Variants in RSPH14 observed in about 807,000 individuals in gnomAD.
RSPH14 encodes the protein rhabdoid tumor deletion region gene 1.
Under a neutral mutation model 26.7 loss-of-function variants are expected in RSPH14, and 20 were observed. The observed-to-expected ratio is 0.75, with a 90% CI of 0.53 to 1.09. The LOEUF is 1.09. RSPH14 is among the 50% of genes least tolerant of loss of function. The pLI, the probability that RSPH14 is intolerant of heterozygous loss-of-function variation, is 0.00. For synonymous variants in RSPH14, 177 were observed against 189.3 expected (o/e 0.93, Z 0.53); for missense variants, 449 against 457.2 (o/e 0.98, Z 0.16).
intron 4 of RSPH14, among the ~76,000 whole-genome samples, chr22:23,107,816 G>A (rs2069527773): frequency 6.6e-6 from 1 of 152,194 alleles, no homozygotes. Context: ...AGCCGGAAGA[G>A]CACCTGCTTA....
At chr22:23,150,992 G>A in the RSPH14 span, among the ~76,000 whole-genome samples, 1 of 152,254 alleles carries the variant, frequency 6.6e-6, no homozygotes, top group Admixed American at 6.5e-5. Context: ...CAGAGGGATT[G>A]TGAAATAGTC....
intron 4 of RSPH14, 47 bp downstream of exon 4, chr22:23,133,979 G>T: frequency 7.1e-7 from 1 of 1,406,704 alleles, no homozygotes; most frequent in Non-Finnish European, 1.0e-6. Context: ...GGAGACCGAC[G>T]GACAACTTGA....
chr22:23,091,683 T>G (rs1241373819), intron 4 of RSPH14, among the ~76,000 whole-genome samples: 3 of 152,200 alleles, frequency 2.0e-5, no homozygotes, highest in Admixed American at 6.5e-5. Flanking sequence ...ACAGTGGACC[T>G]GCATACACAC....
At chr22:23,094,046 G>A (rs1003243173) in intron 4 of RSPH14, among the ~76,000 whole-genome samples, 1 of 152,210 alleles carries the variant, frequency 6.6e-6, no homozygotes, top group African/African-American at 2.4e-5. Context: ...TCAGATGCTG[G>A]TCACACCCAG....
chr22:23,138,885 T>C lies in RSPH14; in HGVS notation c.257A>G (p.Lys86Arg). Residue 86 changes from lysine (K) to arginine (R), a missense_variant, in exon 3 of 7, where the codon AAG (lysine) becomes AGG (arginine). By Grantham distance (26) the Lys-to-Arg change is conservative. Coordinates refer to ENST00000216036, the MANE Select transcript of RSPH14 (RefSeq NM_014433.3). ...LKDSNSMVRI[K>R]TTEVLHITAS... is the part of the protein sequence containing the mutation. ...CGTGATGTGGAGCACCTCGGTGGTC[T>C]TTATGCGCACCATACTGTTGCTATC... The C allele has an allele frequency of 3.2e-6, 5 of 1,550,644 alleles. No homozygotes were observed. Among genetic ancestry groups the C allele is most frequent in the East Asian group, 4.9e-5 (2 of 41,180 alleles).
the RSPH14 span, chr22:23,153,053 A>G: frequency 1.9e-6 from 3 of 1,614,000 alleles, no homozygotes. Context: ...AATGTTTTTG[A>G]TCGAGACTAC....
chr22:23,104,083 C>T (rs1470080996), intron 4 of RSPH14, among the ~76,000 whole-genome samples: 1 of 151,750 alleles, frequency 6.6e-6, no homozygotes, highest in Non-Finnish European at 1.5e-5. Context: ...CTGATCTGGA[C>T]CTTGCAGAAT....
Position 23,140,490 on chromosome 22 carries a change from G to A in RSPH14, c.-52-18C>T. The A allele has an allele frequency of 6.4e-7, 1 of 1,555,476 alleles. No individual in the cohort carries two copies. The highest frequency in any genetic ancestry group is 2.3e-5 in the East Asian group (1 of 43,102). ...ACCACTCACTAAAAGAGACCAAAAA[G>A]CTGTCATTATTTCTATTATGATTTA... On this transcript the variant is annotated intron_variant, in intron 1 of 6. Coordinates refer to ENST00000216036, the MANE Select transcript of RSPH14 (RefSeq NM_014433.3).
chr22:23,126,896 G>A (rs374873478), intron 4 of RSPH14, among the ~76,000 whole-genome samples: 1 of 152,238 alleles, frequency 6.6e-6, no homozygotes, highest in South Asian at 2.1e-4. Context: ...CCCTGGTGGT[G>A]CAATGGGTCA....
intron 4 of RSPH14, among the ~76,000 whole-genome samples, chr22:23,096,972 A>G (rs866416559): frequency 5.1e-4 from 78 of 152,252 alleles, no homozygotes; most frequent in African/African-American, 1.7e-3. Flanking sequence ...GAGTTGCTGG[A>G]GAGGGTGGGG....
intron 4 of RSPH14, chr22:23,095,749 A>G: frequency 1.2e-6 from 2 of 1,612,650 alleles, no homozygotes; most frequent in South Asian, 1.1e-5. Context: ...GGTCCCGGAG[A>G]ATTGACCGCC....
At chr22:23,135,317 C>CAAAAAAAAAAAA (rs55649510) in intron 3 of RSPH14, among the ~76,000 whole-genome samples, 1 of 85,888 alleles carries the variant, frequency 1.2e-5, no homozygotes, top group Admixed American at 1.3e-4. Flanking sequence ...ACTAAAAATA[C>CAAAAAAAAAAAA]AAAAAAAAAA....
the RSPH14 span, chr22:23,159,043 A>G: frequency 6.3e-7 from 1 of 1,590,178 alleles, no homozygotes; most frequent in Non-Finnish European, 8.6e-7. Context: ...TACAGCCCTC[A>G]TTGGAGGAGC....
At chr22:23,091,510 A>T (rs1056104527) in intron 4 of RSPH14, among the ~76,000 whole-genome samples, 1 of 151,960 alleles carries the variant, frequency 6.6e-6, no homozygotes, top group Admixed American at 6.5e-5. Context: ...CTATGCATAC[A>T]TGCACACACA....
chr22:23,157,399 G>A, the RSPH14 span, among the ~76,000 whole-genome samples: 18 of 152,050 alleles, frequency 1.2e-4, no homozygotes, highest in East Asian at 1.5e-3. Flanking sequence ...TGCAGGTGCC[G>A]GCTACCACAC....
the RSPH14 span, chr22:23,163,606 G>GCCCCCCCCCCCCCCCCCC: frequency 8.0e-5 from 10 of 125,218 alleles, no homozygotes; most frequent in Non-Finnish European, 1.8e-4. Flanking sequence ...CAAGGTGAAA[G>GCCCCCCCCCCCCCCCCCC]CCCCCCCCCC....
rs577381141 is a variant in RSPH14, at chr22:23,130,713, G to A, written c.421+3313C>T. On this transcript the variant is annotated intron_variant, in intron 4 of 6. Transcript: ENST00000216036. ...TCAATAAGAAATGGAAAAACAACTC[G>A]GCAACAGAATGAACACACTCTCTCC... 2.0e-4 allele frequency among the ~76,000 whole-genome samples: 30 copies of A among 152,238 alleles called. No individual in the cohort carries two copies. In the South Asian group the frequency reaches 2.3e-3, roughly 12 times the overall value.
chr22:23,156,142 C>A, the RSPH14 span: 2 of 853,816 alleles, frequency 2.3e-6, no homozygotes, highest in Non-Finnish European at 1.7e-6. Context: ...TTTTGTCCTC[C>A]AAGACCCACT....
intron 4 of RSPH14, among the ~76,000 whole-genome samples, chr22:23,116,754 A>G (rs539775423): frequency 6.6e-6 from 1 of 152,340 alleles, no homozygotes; most frequent in East Asian, 1.9e-4. Context: ...GGATGTCATT[A>G]GCTGGAAAGC....
Sources: gnomAD v4.1 joint callset for allele counts (sites outside exome capture counted in the v4.1 genomes callset) on GRCh38, gnomAD v4.1.1 for gene constraint, MANE v1.5 for transcripts, NCBI Gene and HGNC (gene_info 2026-07-23, HGNC 2026-07-21) for gene names.